EXT2: variants seen among roughly 807,000 people sequenced by gnomAD.
EXT2 encodes the protein exostosin-2.
A neutral mutation model predicts 81.6 loss-of-function variants in EXT2; 53 were observed. The observed-to-expected ratio is 0.65, with a 90% CI of 0.52 to 0.82. The LOEUF (loss-of-function observed/expected upper bound fraction) is 0.82. Among genes scored for constraint, EXT2 ranks in the 40% least tolerant of loss-of-function variants. The probability of loss-of-function intolerance (pLI) is 0.00; values close to 1 mark genes in which losing one functional copy is unlikely to be tolerated. For synonymous variants in EXT2, 320 were observed against 340.0 expected (o/e 0.94, Z 0.65); for missense variants, 774 against 910.2 (o/e 0.85, Z 1.93).
intron 13 of EXT2, among the ~76,000 whole-genome samples, chr11:44,239,830 G>A (rs969577551): frequency 6.6e-6 from 1 of 150,634 alleles, no homozygotes; most frequent in Admixed American, 6.7e-5. Flanking sequence ...AAAAAAAAAT[G>A]TTGAGCCCAG....
Position 44,160,976 on chromosome 11 carries a change from ATCT to A in EXT2, c.1174-10630_1174-10628del, listed in dbSNP as rs528090068. Reference sequence around the variant, plus strand: ...TCTTATTCATTAATTACTTCTACTGATCTTCTTGGATTTGTTTCATTTTCCACA... The same window carrying A: ...TCTTATTCATTAATTACTTCTACTGATCTTGGATTTGTTTCATTTTCCACA... On this transcript the variant is annotated intron_variant, in intron 7 of 13. Coordinates refer to ENST00000533608, the MANE Select transcript of EXT2 (RefSeq NM_207122.2). 2.3e-3 allele frequency among the ~76,000 whole-genome samples: 355 copies of A among 152,072 alleles called. 5 individuals are homozygous for A. The highest frequency in any genetic ancestry group is 8.0e-3 in the African/African-American group (331 of 41,468).
At chr11:44,126,712 T>C in intron 5 of EXT2, 104 bp from the exon 6 acceptor site, 6 of 1,458,746 alleles carry the variant, frequency 4.1e-6, no homozygotes, top group Non-Finnish European at 5.8e-6. Flanking sequence ...TGCCTCAGTA[T>C]TGCTTGGCGT....
At position 44,109,264 on chromosome 11, in the gene EXT2, C is replaced by G; in HGVS notation, c.607C>G (p.Leu203Val). The change falls in exon 3 of 14, where the codon CTG (leucine) becomes GTG (valine). Residue 203 changes from leucine to valine, a missense_variant. This residue lies in a region of EXT2 where 626 missense variants were observed against 670.5 expected (regional missense o/e 0.93). Transcript: ENST00000533608. ...AGGTCCCCCAGATTATAACACAGCC[C>G]TGGATGTCCCCAGAGACAGGTAGGA... is the stretch of plus-strand genomic sequence containing the variant. ...PGGPPDYNTALDVPRDRALLA... is the reference protein window; with the variant it reads ...PGGPPDYNTAVDVPRDRALLA... 3 of 1,614,124 alleles carry G rather than the reference C, an allele frequency of 1.9e-6. No homozygotes were observed. The highest frequency in any genetic ancestry group is 2.5e-6 in the Non-Finnish European group (3 of 1,179,986).
chr11:44,235,159 A>G (rs1454115421), intron 12 of EXT2, among the ~76,000 whole-genome samples: 1 of 151,766 alleles, frequency 6.6e-6, no homozygotes, highest in Admixed American at 6.6e-5. Flanking sequence ...AGCTGACCAC[A>G]AAAAAAATTA....
intron 10 of EXT2, among the ~76,000 whole-genome samples, chr11:44,222,062 G>T (rs1281583607): frequency 1.3e-5 from 2 of 152,134 alleles, no homozygotes; most frequent in Non-Finnish European, 2.9e-5. Context: ...CATGAAAATT[G>T]GTTCCTAGGG....
chr11:44,204,862 GAC>G (rs943968161), intron 9 of EXT2, among the ~76,000 whole-genome samples: 2 of 152,078 alleles, frequency 1.3e-5, no homozygotes, highest in Non-Finnish European at 2.9e-5. Flanking sequence ...GTTTGAGGAT[GAC>G]TGTTATAATG....
intron 9 of EXT2, among the ~76,000 whole-genome samples, chr11:44,202,162 C>A (rs1300931657): frequency 6.6e-6 from 1 of 152,158 alleles, no homozygotes; most frequent in Non-Finnish European, 1.5e-5. Flanking sequence ...CTACCTGCAC[C>A]CCATATCATC....
intron 7 of EXT2, among the ~76,000 whole-genome samples, chr11:44,133,880 T>C (rs1283496683): frequency 2.0e-5 from 3 of 152,196 alleles, no homozygotes; most frequent in African/African-American, 7.2e-5. Flanking sequence ...AAGTCCTTGT[T>C]GTGACGGGAA....
intron 8 of EXT2, among the ~76,000 whole-genome samples, chr11:44,193,605 A>G (rs575667834): frequency 2.0e-5 from 3 of 152,338 alleles, no homozygotes; most frequent in African/African-American, 7.2e-5. Flanking sequence ...TGCTAACTCA[A>G]TTTTGAAGCC....
intron 10 of EXT2, among the ~76,000 whole-genome samples, chr11:44,213,834 G>A (rs1008135919): frequency 3.3e-5 from 5 of 152,122 alleles, no homozygotes; most frequent in Admixed American, 2.0e-4. Context: ...GGCTAAAAAC[G>A]TCCCAAATTA....
chr11:44,170,167 G>A lies in EXT2; in HGVS notation c.1174-1444G>A, dbSNP rs141536654. On this transcript the variant is annotated intron_variant, in intron 7 of 13. Transcript: ENST00000533608. ...ATCACATGCGTTCTCTGACCACAGC[G>A]CAGTCAAAGTGCAGTCAAAGTAGAA... Among the ~76,000 whole-genome samples, 123 of 152,068 alleles carry A rather than the reference G, an allele frequency of 8.1e-4. 3 individuals carry two copies. The East Asian group carries it at 0.015, about 19-fold the overall frequency.
intron 7 of EXT2, among the ~76,000 whole-genome samples, chr11:44,131,190 G>C (rs898561565): frequency 1.3e-5 from 2 of 152,148 alleles, no homozygotes; most frequent in African/African-American, 4.8e-5. Context: ...TTACTTTTCA[G>C]CTTCCACATT....
At chr11:44,207,245 C>A (rs1955594926) in intron 10 of EXT2, among the ~76,000 whole-genome samples, 1 of 152,218 alleles carries the variant, frequency 6.6e-6, no homozygotes, top group Non-Finnish European at 1.5e-5. Context: ...ATTTAACAAG[C>A]ACTTAATTGA....
chr11:44,119,159 T>TAC lies in EXT2; in HGVS notation c.743+4859_743+4860insCA, dbSNP rs1565201246. ...ATATATATATATATATATATATATA[T>TAC]ATATATATATACACATACACACACA... On this transcript the variant is annotated intron_variant, in intron 4 of 13. Coordinates refer to ENST00000533608, the MANE Select transcript of EXT2 (RefSeq NM_207122.2). 1.7e-3 allele frequency among the ~76,000 whole-genome samples: 74 copies of TAC among 44,360 alleles called. 5 individuals are homozygous for TAC. Among genetic ancestry groups the TAC allele is most frequent in the Non-Finnish European group, 3.1e-3 (57 of 18,602 alleles). The allele number at this position is 44,360 out of a possible 152,430, so 29.1% of individuals were successfully genotyped here. A position where few individuals can be genotyped will look rare whatever the true frequency, so the allele number is the denominator to read the frequency against.
At chr11:44,162,097 T>C (rs1954935401) in intron 7 of EXT2, among the ~76,000 whole-genome samples, 1 of 152,060 alleles carries the variant, frequency 6.6e-6, no homozygotes, top group African/African-American at 2.4e-5. Flanking sequence ...AGAAAAAAAG[T>C]ATGTTGTTTA....
chr11:44,201,608 A>G (rs368702168), intron 9 of EXT2, among the ~76,000 whole-genome samples: 1 of 152,224 alleles, frequency 6.6e-6, no homozygotes, highest in Non-Finnish European at 1.5e-5. Flanking sequence ...GTTGTAGGAA[A>G]ATCATCATGT....
intron 7 of EXT2, among the ~76,000 whole-genome samples, chr11:44,155,377 T>C (rs1024662278): frequency 6.6e-6 from 1 of 152,142 alleles, no homozygotes; most frequent in Non-Finnish European, 1.5e-5. Flanking sequence ...CCTGGTTCTT[T>C]TGTGATCTTC....
chr11:44,237,919 A>AC (rs35394759), intron 13 of EXT2, among the ~76,000 whole-genome samples: 31,175 of 141,820 alleles, frequency 0.22, 4,752 homozygotes, highest in Admixed American at 0.39. Context: ...AAAAAAAAAA[A>AC]AAAAAAAAAA....
At chr11:44,112,801 G>T (rs1954164516) in intron 3 of EXT2, among the ~76,000 whole-genome samples, 1 of 152,176 alleles carries the variant, frequency 6.6e-6, no homozygotes, top group African/African-American at 2.4e-5. Flanking sequence ...AACAGTAAAG[G>T]TTGATGTGAT....
Sources: allele counts gnomAD v4.1 joint callset (sites outside exome capture counted in the v4.1 genomes callset), GRCh38; gene constraint gnomAD v4.1.1; regional missense constraint gnomAD v4.1.1; transcripts MANE v1.5; gene names NCBI Gene and HGNC (gene_info 2026-07-23, HGNC 2026-07-21).